Variants in TAB1 observed in about 807,000 individuals in gnomAD.
TAB1 encodes the protein TGF-beta-activated kinase 1 and MAP3K7-binding protein 1.
In TAB1, 30 loss-of-function variants were observed where a neutral mutation model predicts 54.5. The ratio of observed to expected loss-of-function variants is 0.55; its 90% CI spans 0.41 to 0.75. The LOEUF is 0.75. TAB1 is among the 30% of genes least tolerant of loss of function. TAB1 has a pLI of 0.00. For missense variants in TAB1, 609 were observed against 683.2 expected (o/e 0.89, Z 1.21); for synonymous variants, 289 against 286.9 (o/e 1.01, Z -0.07).
chr22:39,434,838 G>T (rs796216785), downstream of TAB1, among the ~76,000 whole-genome samples: 1 of 152,240 alleles, frequency 6.6e-6, no homozygotes, highest in South Asian at 2.1e-4. Flanking sequence ...TTCCACATGC[G>T]CCATGATTAA....
At chr22:39,434,792 G>A (rs1927724311), downstream of TAB1, among the ~76,000 whole-genome samples, 1 of 152,242 alleles carries the variant, frequency 6.6e-6, no homozygotes, top group Admixed American at 6.5e-5. Flanking sequence ...AGGGGCCAGG[G>A]CAGGGCAGGA....
downstream of TAB1, among the ~76,000 whole-genome samples, chr22:39,434,314 G>A (rs1395714786): frequency 6.6e-6 from 1 of 152,274 alleles, no homozygotes; most frequent in Non-Finnish European, 1.5e-5. Context: ...GGTGGAAGCA[G>A]GTACCGGGTC....
chr22:39,401,938 G>A (rs1235783458), intron 1 of TAB1, among the ~76,000 whole-genome samples: 3 of 152,192 alleles, frequency 2.0e-5, no homozygotes, highest in African/African-American at 7.2e-5. Context: ...TGTGGCTACT[G>A]GGCAAATATG....
intron 8 of TAB1, among the ~76,000 whole-genome samples, chr22:39,423,563 C>T (rs1364123100): frequency 1.3e-5 from 2 of 152,178 alleles, no homozygotes; most frequent in African/African-American, 4.8e-5. Context: ...CAAGATCGCA[C>T]CACTGCACTC....
chr22:39,412,782 T>C (rs1926660541), intron 1 of TAB1, among the ~76,000 whole-genome samples: 1 of 152,180 alleles, frequency 6.6e-6, no homozygotes, highest in Non-Finnish European at 1.5e-5. Context: ...ACAATAACTT[T>C]TAAGAAGTTG....
At chr22:39,414,374 C>T (rs5750816) in intron 1 of TAB1, among the ~76,000 whole-genome samples, 108,477 of 152,010 alleles carry the variant, frequency 0.71, 39,041 homozygotes, top group East Asian at 1. Context: ...TGAGGATGTC[C>T]TATAAACTAG....
At chr22:39,431,916 G>A, downstream of TAB1, 1 of 981,842 alleles carries the variant, frequency 1.0e-6, no homozygotes, top group Non-Finnish European at 1.2e-6. Context: ...GTAACTCGCA[G>A]TGGCCCTGGG....
chr22:39,436,745 C>G (rs1365579748), downstream of TAB1: 1 of 603,962 alleles, frequency 1.7e-6, no homozygotes, highest in East Asian at 2.8e-5. Context: ...GCTTCCCTCA[C>G]CTAGAATGGC....
chr22:39,406,070 G>A (rs908217100), intron 1 of TAB1, among the ~76,000 whole-genome samples: 1 of 152,108 alleles, frequency 6.6e-6, no homozygotes, highest in Non-Finnish European at 1.5e-5. Context: ...GTTAACATGT[G>A]GAAAATGTAG....
chr22:39,419,902 G>A (rs1174187815), intron 7 of TAB1, among the ~76,000 whole-genome samples: 1 of 152,232 alleles, frequency 6.6e-6, no homozygotes, highest in Non-Finnish European at 1.5e-5. Flanking sequence ...TCCCAGAGAG[G>A]TTGGTTTGGG....
At chr22:39,417,006 G>A in intron 4 of TAB1, 129 bp downstream of exon 4, 2 of 840,884 alleles carry the variant, frequency 2.4e-6, no homozygotes, top group East Asian at 2.7e-5. Flanking sequence ...CCTGATGGGT[G>A]ACACTGGTGT....
chr22:39,415,591 C>G lies in TAB1; in HGVS notation c.262C>G (p.Leu88Val). 6.2e-7 allele frequency: 1 copy of G among 1,614,076 alleles called. No homozygotes were observed. Among genetic ancestry groups the G allele is most frequent in the Non-Finnish European group, 8.5e-7 (1 of 1,179,996 alleles). ...CGTGGCCCAGCGGCTGTCCGCAGAGCTCCTGCTGGGCCAGCTGAATGCCGA... is the reference window on the plus strand; with the variant it reads ...CGTGGCCCAGCGGCTGTCCGCAGAGGTCCTGCTGGGCCAGCTGAATGCCGA... Reference protein sequence around the residue: ...NFVAQRLSAELLLGQLNAEHA... With the variant: ...NFVAQRLSAEVLLGQLNAEHA... Residue 88 changes from leucine (L) to valine (V), a missense_variant, in exon 3 of 11, where the codon CTC becomes GTC. Physicochemically the swap from Leu to Val is conservative, Grantham distance 32. Transcript: ENST00000216160. This position sits in a 1 kb window ranked among gnomAD's most constrained non-coding sequence, Gnocchi z 4.9.
intron 1 of TAB1, among the ~76,000 whole-genome samples, chr22:39,408,113 G>T (rs182091141): frequency 1.3e-5 from 2 of 152,300 alleles, no homozygotes; most frequent in East Asian, 3.9e-4. Flanking sequence ...AACACCATTT[G>T]CCAGTTTATA....
chr22:39,408,576 C>G (rs987457438), intron 1 of TAB1, among the ~76,000 whole-genome samples: 4 of 152,116 alleles, frequency 2.6e-5, no homozygotes, highest in Admixed American at 6.5e-5. Context: ...GATCTCGGCT[C>G]TCTGCAACCT....
At chr22:39,409,466 C>T (rs764848974) in intron 1 of TAB1, among the ~76,000 whole-genome samples, 2 of 152,264 alleles carry the variant, frequency 1.3e-5, no homozygotes, top group Non-Finnish European at 2.9e-5. Context: ...CCCTCCCCCC[C>T]AGGCACATAC....
intron 1 of TAB1, among the ~76,000 whole-genome samples, chr22:39,411,737 G>A (rs1370548032): frequency 6.6e-6 from 1 of 152,152 alleles, no homozygotes; most frequent in Non-Finnish European, 1.5e-5. Flanking sequence ...ATTTACCCTG[G>A]ATAAATGAAA....
downstream of TAB1, chr22:39,433,359 G>C (rs1221286005): frequency 1.2e-6 from 1 of 814,562 alleles, no homozygotes; most frequent in Non-Finnish European, 1.5e-6. Context: ...GCTGAGGCAG[G>C]AGAATAGCGT....
chr22:39,427,798 AAGG>A (rs1927414517), intron 9 of TAB1, among the ~76,000 whole-genome samples: 1 of 152,158 alleles, frequency 6.6e-6, no homozygotes. Flanking sequence ...TTACTGCTAT[AAGG>A]AGTTCTCAGC....
chr22:39,429,242 G>A (rs1927480877), intron 10 of TAB1: 1 of 985,330 alleles, frequency 1.0e-6, no homozygotes, highest in Admixed American at 6.1e-5. Context: ...CCCAGCTGAT[G>A]AGAAGAGATT....
Sources: allele counts gnomAD v4.1 joint callset (sites outside exome capture counted in the v4.1 genomes callset), GRCh38; gene constraint gnomAD v4.1.1; non-coding constraint Gnocchi (gnomAD v3.1); transcripts MANE v1.5; gene names NCBI Gene and HGNC (gene_info 2026-07-23, HGNC 2026-07-21).